Variants in MYPN observed in about 807,000 individuals in gnomAD.
MYPN encodes the protein sarcomeric protein myopalladin, 145 kDa (MYOP).
In MYPN, 63 loss-of-function variants were observed where a neutral mutation model predicts 129.4. The observed-to-expected ratio is 0.49, with a 90% CI of 0.40 to 0.60. The LOEUF (loss-of-function observed/expected upper bound fraction) is 0.60, where lower values mean the gene tolerates loss of function less well. Ranked by LOEUF, MYPN falls within the 20% of genes least tolerant of loss-of-function variation. MYPN has a pLI of 0.00. For missense variants in MYPN, 1,596 were observed against 1,635.4 expected (o/e 0.98, Z 0.42); for synonymous variants, 629 against 600.9 (o/e 1.05, Z -0.68).
At chr10:68,163,462 T>TA (rs1175508607) in intron 8 of MYPN, among the ~76,000 whole-genome samples, 3 of 150,992 alleles carry the variant, frequency 2.0e-5, no homozygotes, top group African/African-American at 2.4e-5. Flanking sequence ...CCGTCTCTAC[T>TA]AAAAAAAATA....
chr10:68,208,473 G>A (rs1316022044), intron 19 of MYPN, among the ~76,000 whole-genome samples: 3 of 152,104 alleles, frequency 2.0e-5, no homozygotes, highest in Non-Finnish European at 4.4e-5. Context: ...GGAGAAATCG[G>A]GGGAGAAAGA....
In MYPN at chr10:68,145,511, A is replaced by T; in HGVS notation, c.1115A>T (p.Lys372Met). Residue 372 changes from lysine (K) to methionine (M), a missense_variant, in exon 4 of 20, where the codon AAG becomes ATG. Lys to Met is a moderately conservative substitution (Grantham distance 95). Coordinates refer to ENST00000358913, the MANE Select transcript of MYPN (RefSeq NM_032578.4). ...TCTGACTCAGAAGGCGACCCTAACA[A>T]GGAAGAGATGAATCGGTAATTCTGA... The part of the protein sequence containing the change: ...SSSDSEGDPN[K>M]EEMNRIQKPN... 6.2e-7 allele frequency: 1 copy of T among 1,613,356 alleles called. No homozygotes were observed.
rs535665506 is a variant in MYPN at position 68,135,842 on chromosome 10, A to G, written c.903-7098A>G. Among the ~76,000 whole-genome samples, 8 of 152,308 alleles carry G rather than the reference A, an allele frequency of 5.3e-5. 1 individual carries two copies. Among genetic ancestry groups the G allele is most frequent in the African/African-American group, 1.7e-4 (7 of 41,570 alleles). Reference sequence around the variant, plus strand: ...TTATTGTTCAGTAAGGAAGAGAGACACTAAAACAAATAAACCTACAAATAA... The same window carrying G: ...TTATTGTTCAGTAAGGAAGAGAGACGCTAAAACAAATAAACCTACAAATAA... On this transcript the variant is annotated intron_variant, in intron 2 of 19. Transcript: ENST00000358913.
intron 1 of MYPN, among the ~76,000 whole-genome samples, chr10:68,094,668 G>T (rs1003577726): frequency 6.6e-6 from 1 of 152,082 alleles, no homozygotes; most frequent in African/African-American, 2.4e-5. Flanking sequence ...AATTTATTTC[G>T]TGATATGTAA....
intron 1 of MYPN, among the ~76,000 whole-genome samples, chr10:68,095,593 C>T (rs916026336): frequency 2.6e-5 from 4 of 152,160 alleles, no homozygotes. Context: ...CAGAGTCTTA[C>T]TTCAGAGACT....
intron 16 of MYPN, among the ~76,000 whole-genome samples, chr10:68,198,858 T>C (rs907651420): frequency 6.9e-6 from 1 of 145,356 alleles, no homozygotes; most frequent in East Asian, 2.1e-4. Flanking sequence ...CCATGCCCTG[T>C]TGGGGGGATG....
intron 12 of MYPN, among the ~76,000 whole-genome samples, chr10:68,183,232 G>A (rs2043366740): frequency 6.6e-6 from 1 of 152,146 alleles, no homozygotes; most frequent in Admixed American, 6.6e-5. Flanking sequence ...AGGCTGAGGC[G>A]GGCGGATTGC....
chr10:68,109,713 A>C lies in MYPN; in HGVS notation c.-12A>C, dbSNP rs889188188. ...TGGACATCCTCATCTGGGTCAACTA[A>C]AAAAAGAAAGGTAATATCCAGATTT... On this transcript the variant is annotated 5_prime_UTR_variant, in exon 1 of 20. Coordinates refer to ENST00000358913, the MANE Select transcript of MYPN (RefSeq NM_032578.4). 1.1e-5 allele frequency: 5 copies of C among 453,762 alleles called. No homozygotes were observed. Among genetic ancestry groups the C allele is most frequent in the African/African-American group, 6.0e-5 (3 of 49,984 alleles). The allele number at this position is 453,762 out of a possible 1,614,324, so 28.1% of individuals were successfully genotyped here.
chr10:68,101,532 C>A (rs1589512610), upstream of MYPN, among the ~76,000 whole-genome samples: 1 of 151,970 alleles, frequency 6.6e-6, no homozygotes, highest in South Asian at 2.1e-4. Context: ...CTCTTTTGTC[C>A]GATATTAAGA....
chr10:68,131,110 C>T (rs772166079), intron 2 of MYPN, among the ~76,000 whole-genome samples: 6 of 152,028 alleles, frequency 3.9e-5, no homozygotes, highest in African/African-American at 1.2e-4. Flanking sequence ...AAATCTAGGC[C>T]GGGTGTGGGG....
chr10:68,137,312 T>A (rs912029929), intron 2 of MYPN, among the ~76,000 whole-genome samples: 3 of 152,232 alleles, frequency 2.0e-5, no homozygotes, highest in African/African-American at 7.2e-5. Context: ...AGTAAATTTT[T>A]AAAAATCCAA....
intron 2 of MYPN, among the ~76,000 whole-genome samples, chr10:68,129,041 G>A (rs1007091696): frequency 6.6e-6 from 1 of 151,606 alleles, no homozygotes; most frequent in Non-Finnish European, 1.5e-5. Flanking sequence ...GTTCCAAGAG[G>A]TCAGATTCTA....
chr10:68,130,689 T>G (rs527860560), intron 2 of MYPN, among the ~76,000 whole-genome samples: 133 of 152,326 alleles, frequency 8.7e-4, no homozygotes, highest in African/African-American at 2.4e-3. Flanking sequence ...GCATCTAGTT[T>G]AAGAAATTCT....
At chr10:68,136,108 T>C (rs2042483364) in intron 2 of MYPN, 4 of 401,634 alleles carry the variant, frequency 1.0e-5, no homozygotes, top group Non-Finnish European at 1.3e-5. Context: ...AGCCATATTT[T>C]AGAATAAATA....
At chr10:68,205,505 C>T (rs2043798909) in intron 18 of MYPN, among the ~76,000 whole-genome samples, 1 of 131,740 alleles carries the variant, frequency 7.6e-6, no homozygotes, top group Admixed American at 8.3e-5. Flanking sequence ...ACAGTGAAAC[C>T]CTATTTCTAC....
At chr10:68,117,517 A>G (rs1276115783) in intron 1 of MYPN, among the ~76,000 whole-genome samples, 1 of 152,156 alleles carries the variant, frequency 6.6e-6, no homozygotes, top group Non-Finnish European at 1.5e-5. Flanking sequence ...GCTAGGAACC[A>G]AAGACCATGT....
intron 2 of MYPN, among the ~76,000 whole-genome samples, chr10:68,133,225 A>G (rs1272339909): frequency 2.0e-5 from 3 of 151,888 alleles, no homozygotes; most frequent in Non-Finnish European, 4.4e-5. Context: ...GGGTTCTGCC[A>G]TATTGGCCAA....
chr10:68,090,169 A>AC (rs1779398898), intron 1 of MYPN, among the ~76,000 whole-genome samples: 1 of 151,684 alleles, frequency 6.6e-6, no homozygotes, highest in Admixed American at 6.6e-5. Flanking sequence ...CTCAATGAAC[A>AC]CTTTTTTTTT....
intron 2 of MYPN, among the ~76,000 whole-genome samples, chr10:68,123,795 A>C (rs1564648840): frequency 6.6e-6 from 1 of 152,168 alleles, no homozygotes; most frequent in Non-Finnish European, 1.5e-5. Context: ...CATGTGTCTA[A>C]TGACTACAGT....
Sources: allele counts gnomAD v4.1 joint callset (sites outside exome capture counted in the v4.1 genomes callset), GRCh38; gene constraint gnomAD v4.1.1; transcripts MANE v1.5; gene names NCBI Gene and HGNC (gene_info 2026-07-23, HGNC 2026-07-21).